The following ZNF469 variants were observed in gnomAD, a reference collection of about 807,000 sequenced individuals.
The protein encoded by ZNF469 is zinc finger protein 469.
Under a neutral mutation model 1.0 loss-of-function variants are expected in ZNF469, and 1 was observed. The observed-to-expected ratio is 1.00, with a 90% CI of 0.35 to 4.73. The LOEUF is 4.73. Among genes scored for constraint, ZNF469 ranks in the 30% most tolerant of loss-of-function variants. ZNF469 has a pLI of 0.16. For synonymous variants in ZNF469, 2,703 were observed against 2,363.4 expected, an observed-to-expected ratio of 1.14 and a Z score of -4.17; for missense variants, 6,100 against 5,356.3, an observed-to-expected ratio of 1.14 and a Z score of -4.33.
At chr16:88,338,982 G>T in the ZNF469 span, among the ~76,000 whole-genome samples, 1 of 151,880 alleles carries the variant, frequency 6.6e-6, no homozygotes, top group African/African-American at 2.4e-5. Flanking sequence ...AAGCCCCAGA[G>T]AACCCACATC....
At chr16:88,423,082 G>GGAT (rs1285864575) in intron 1 of ZNF469, among the ~76,000 whole-genome samples, 2 of 143,948 alleles carry the variant, frequency 1.4e-5, no homozygotes, top group African/African-American at 5.1e-5. Flanking sequence ...GTAGATAGAT[G>GGAT]GATGATGATG....
the ZNF469 span, among the ~76,000 whole-genome samples, chr16:88,252,806 T>C: frequency 6.6e-6 from 1 of 152,198 alleles, no homozygotes; most frequent in Admixed American, 6.5e-5. Flanking sequence ...AACACTCATA[T>C]GAAGACATAG....
At position 88,405,127 on chromosome 16, in the gene ZNF469, T is replaced by C. The variant is rs576473244; in HGVS notation, c.-191-19680T>C. 2.0e-5 allele frequency among the ~76,000 whole-genome samples: 3 copies of C among 152,068 alleles called. No individual in the cohort carries two copies. In the East Asian group the frequency reaches 5.8e-4, roughly 29 times the overall value. ...GGTGCTGTTGCCAACAATGGGAGAT[T>C]GGTGGTGGACAGGCAAGGAACAGAT... On this transcript the variant is annotated intron_variant, in intron 1 of 2. Transcript: ENST00000565624.
chr16:88,354,570 G>A, the ZNF469 span, among the ~76,000 whole-genome samples: 7 of 152,212 alleles, frequency 4.6e-5, no homozygotes, highest in Non-Finnish European at 7.3e-5. Flanking sequence ...GGACCAAGTC[G>A]GAGCAGTGAC....
chr16:88,375,665 C>G, the ZNF469 span, among the ~76,000 whole-genome samples: 2 of 152,208 alleles, frequency 1.3e-5, no homozygotes, highest in Non-Finnish European at 1.5e-5. Context: ...GAGGAGTGTT[C>G]CTGGGTGCCG....
At chr16:88,378,072 C>A (rs73255413), upstream of ZNF469, among the ~76,000 whole-genome samples, 136 of 152,202 alleles carry the variant, frequency 8.9e-4, no homozygotes, top group African/African-American at 3.1e-3. Flanking sequence ...CTGTCCTAGA[C>A]GCCCCAAGAT....
the ZNF469 span, among the ~76,000 whole-genome samples, chr16:88,357,917 C>G: frequency 3.3e-5 from 5 of 152,248 alleles, no homozygotes; most frequent in Non-Finnish European, 7.3e-5. Context: ...AGAAGCGCCT[C>G]TTCTGCAGGC....
the ZNF469 span, among the ~76,000 whole-genome samples, chr16:88,372,384 C>T: frequency 6.6e-6 from 1 of 151,270 alleles, no homozygotes; most frequent in African/African-American, 2.4e-5. Context: ...TCCCCATCAT[C>T]ATCACCATCA....
At chr16:88,287,243 T>C in the ZNF469 span, among the ~76,000 whole-genome samples, 1 of 152,228 alleles carries the variant, frequency 6.6e-6, no homozygotes, top group African/African-American at 2.4e-5. Context: ...TGTGCCACAA[T>C]TTGTCTACCC....
chr16:88,355,172 ACT>A, the ZNF469 span, among the ~76,000 whole-genome samples: 337 of 152,126 alleles, frequency 2.2e-3, 1 homozygote, highest in African/African-American at 7.8e-3. Flanking sequence ...CGGCCTCTCA[ACT>A]CTACAACGAG....
At chr16:88,247,832 A>G in the ZNF469 span, among the ~76,000 whole-genome samples, 1 of 152,228 alleles carries the variant, frequency 6.6e-6, no homozygotes, top group African/African-American at 2.4e-5. Context: ...TGAGTGAGTG[A>G]GTGTATGAAT....
At chr16:88,408,898 G>A (rs1905077347) in intron 1 of ZNF469, among the ~76,000 whole-genome samples, 1 of 151,942 alleles carries the variant, frequency 6.6e-6, no homozygotes, top group African/African-American at 2.4e-5. Flanking sequence ...TCCAAATGAT[G>A]AAAGAAAAAC....
chr16:88,192,135 C>A, the ZNF469 span: 1 of 152,166 alleles, frequency 6.6e-6, no homozygotes, highest in Non-Finnish European at 1.5e-5. Context: ...GCCAAGTCAG[C>A]CATACCTTGA....
At chr16:88,103,942 G>A in the ZNF469 span, among the ~76,000 whole-genome samples, 2 of 152,010 alleles carry the variant, frequency 1.3e-5, no homozygotes, top group Non-Finnish European at 2.9e-5. Context: ...TCCGTGGCAC[G>A]AGGACGGTCA....
chr16:88,370,825 G>A, the ZNF469 span, among the ~76,000 whole-genome samples: 2 of 152,228 alleles, frequency 1.3e-5, no homozygotes, highest in African/African-American at 4.8e-5. Flanking sequence ...TGGCTTTGGC[G>A]ATGGGGCAGT....
chr16:88,265,740 C>T, the ZNF469 span, among the ~76,000 whole-genome samples: 3 of 152,220 alleles, frequency 2.0e-5, no homozygotes, highest in Non-Finnish European at 2.9e-5. Flanking sequence ...TTGTGCCCTG[C>T]GAAACTCTGC....
upstream of ZNF469, among the ~76,000 whole-genome samples, chr16:88,380,165 A>G (rs1311570183): frequency 6.7e-6 from 1 of 148,832 alleles, no homozygotes; most frequent in Non-Finnish European, 1.5e-5. Context: ...GCACTCACAG[A>G]CATGCACTCA....
intron 1 of ZNF469, among the ~76,000 whole-genome samples, chr16:88,419,021 C>T (rs1905380160): frequency 1.3e-5 from 2 of 152,186 alleles, no homozygotes; most frequent in Admixed American, 1.3e-4. Context: ...TGAATGGGGC[C>T]GGATGGGTGT....
chr16:88,360,801 C>T, the ZNF469 span, among the ~76,000 whole-genome samples: 1 of 151,948 alleles, frequency 6.6e-6, no homozygotes, highest in African/African-American at 2.4e-5. Context: ...CCAGACAGTG[C>T]CCGCGTGCTC....
Sources: allele counts gnomAD v4.1 joint callset (sites outside exome capture counted in the v4.1 genomes callset), GRCh38; gene constraint gnomAD v4.1.1; transcripts MANE v1.5; gene names NCBI Gene and HGNC (gene_info 2026-07-23, HGNC 2026-07-21).